The following ZNF33B variants were observed in gnomAD, a reference collection of about 807,000 sequenced individuals.
ZNF33B encodes the protein zinc finger protein 11b (KOX 2).
Under a neutral mutation model 45.8 loss-of-function variants are expected in ZNF33B, and 29 were observed. The observed-to-expected ratio is 0.63, with a 90% confidence interval of 0.47 to 0.86. The LOEUF (loss-of-function observed/expected upper bound fraction) is 0.86. Ranked by LOEUF, ZNF33B falls within the 40% of genes least tolerant of loss-of-function variation. The probability of loss-of-function intolerance (pLI) is 0.00; values close to 1 mark genes in which losing one functional copy is unlikely to be tolerated. For missense variants in ZNF33B, 831 were observed against 909.9 expected, an observed-to-expected ratio of 0.91 and a Z score of 1.12; for synonymous variants, 305 against 307.8, an observed-to-expected ratio of 0.99 and a Z score of 0.10.
At chr10:42,614,316 C>T (rs911881982) in intron 4 of ZNF33B, 4 of 154,510 alleles carry the variant, frequency 2.6e-5, no homozygotes, top group Non-Finnish European at 5.9e-5. Flanking sequence ...CAAGGTCATC[C>T]AAAACAAGGA....
chr10:42,595,846 C>T (rs1341021639), intron 4 of ZNF33B, among the ~76,000 whole-genome samples: 2 of 152,096 alleles, frequency 1.3e-5, no homozygotes, highest in Non-Finnish European at 2.9e-5. Context: ...ATTACAGCTT[C>T]CACAATTGTG....
chr10:42,631,396 A>G (rs138765849), intron 4 of ZNF33B, among the ~76,000 whole-genome samples: 2,577 of 152,048 alleles, frequency 0.017, 79 homozygotes, highest in African/African-American at 0.059. Context: ...GTACAGATGG[A>G]GTTTCACCAT....
At chr10:42,634,516 AG>A (rs1839201240) in intron 2 of ZNF33B, among the ~76,000 whole-genome samples, 1 of 152,244 alleles carries the variant, frequency 6.6e-6, no homozygotes, top group South Asian at 2.1e-4. Context: ...GCAAGGAACT[AG>A]GAAGAGCCAG....
At position 42,591,542 on chromosome 10, in the gene ZNF33B, T is replaced by C. The variant is rs1837124135; in HGVS notation, c.*1071A>G. 1 of 425,392 alleles carries C rather than the reference T, an allele frequency of 2.4e-6. No homozygotes were observed. Among genetic ancestry groups the C allele is most frequent in the Non-Finnish European group, 3.1e-6 (1 of 318,164 alleles). The allele number at this position is 425,392 out of a possible 1,614,324, so 26.4% of individuals were successfully genotyped here. A position where few individuals can be genotyped will look rare whatever the true frequency, so the allele number is the denominator to read the frequency against. On this transcript the variant is annotated 3_prime_UTR_variant, in exon 5 of 5. Coordinates refer to ENST00000359467, the MANE Select transcript of ZNF33B (RefSeq NM_006955.3). ...CGACAAACACCTGGGATGGGCCTGA[T>C]GAAGTAACCACTACTAAATTAGGAT...
Position 42,607,145 on chromosome 10 carries a change from A to G in ZNF33B, c.251-12446T>C, listed in dbSNP as rs1837895657. ...AAATAACAAATGGAGAAGAGGAAATAGAGCTATATATAGGTAATGTTTCTG... is the reference window on the plus strand; with the variant it reads ...AAATAACAAATGGAGAAGAGGAAATGGAGCTATATATAGGTAATGTTTCTG... On this transcript the variant is annotated intron_variant, in intron 4 of 4. Coordinates refer to ENST00000359467, the MANE Select transcript of ZNF33B (RefSeq NM_006955.3). Among the ~76,000 whole-genome samples, 4 of 152,164 alleles carry G rather than the reference A, an allele frequency of 2.6e-5. No individual in the cohort carries two copies. In the South Asian group the frequency reaches 8.3e-4, roughly 32 times the overall value.
At chr10:42,583,815 T>C (rs564352484) in intron 1 of ZNF33B, among the ~76,000 whole-genome samples, 2 of 151,604 alleles carry the variant, frequency 1.3e-5, no homozygotes, top group East Asian at 3.9e-4. Flanking sequence ...GCCTCACAGA[T>C]GAGGGAATGA....
chr10:42,638,101 T>G (rs570223464), intron 1 of ZNF33B, among the ~76,000 whole-genome samples: 4 of 152,348 alleles, frequency 2.6e-5, no homozygotes, highest in African/African-American at 9.6e-5. Context: ...AGAGTCCGTA[T>G]GTCGGGCGGG....
chr10:42,605,991 A>T (rs1471297068), intron 4 of ZNF33B, among the ~76,000 whole-genome samples: 1 of 152,010 alleles, frequency 6.6e-6, no homozygotes, highest in Non-Finnish European at 1.5e-5. Context: ...TCAGCTACTC[A>T]GGAGGCTGAG....
chr10:42,619,116 C>A (rs1394190402), intron 4 of ZNF33B, among the ~76,000 whole-genome samples: 9 of 147,272 alleles, frequency 6.1e-5, no homozygotes, highest in Non-Finnish European at 1.0e-4. Flanking sequence ...ACTGTCCCCA[C>A]ACAGAAACAC....
At chr10:42,575,661 T>G (rs189788591) in intron 1 of ZNF33B, among the ~76,000 whole-genome samples, 1 of 151,320 alleles carries the variant, frequency 6.6e-6, no homozygotes, top group Non-Finnish European at 1.5e-5. Context: ...TTATGTTAAT[T>G]TAATTTCCCT....
intron 4 of ZNF33B, among the ~76,000 whole-genome samples, chr10:42,606,054 T>C (rs1837832451): frequency 6.6e-6 from 1 of 151,106 alleles, no homozygotes; most frequent in South Asian, 2.1e-4. Flanking sequence ...GCTGCGATTC[T>C]ACCACTGCAC....
At chr10:42,631,874 T>C (rs995922652) in intron 4 of ZNF33B, 55 bp downstream of exon 4, 34 of 1,486,848 alleles carry the variant, frequency 2.3e-5, no homozygotes, top group Non-Finnish European at 3.2e-5. Flanking sequence ...CTGAATTAAC[T>C]ACTGGGAAAC....
intron 1 of ZNF33B, among the ~76,000 whole-genome samples, chr10:42,576,348 T>G (rs1348503255): frequency 1.3e-5 from 2 of 152,198 alleles, no homozygotes; most frequent in South Asian, 2.1e-4. Context: ...TTCGAATTGC[T>G]TATTAATATC....
intron 4 of ZNF33B, among the ~76,000 whole-genome samples, chr10:42,624,276 A>T (rs1352475728): frequency 1.3e-5 from 2 of 152,154 alleles, no homozygotes; most frequent in Admixed American, 6.5e-5. Context: ...CCAACATATG[A>T]ATTTTGGGGA....
intron 1 of ZNF33B, among the ~76,000 whole-genome samples, chr10:42,577,867 C>T (rs1836770802): frequency 6.6e-6 from 1 of 152,182 alleles, no homozygotes; most frequent in South Asian, 2.1e-4. Context: ...ACCCTGTTCC[C>T]ACTGAGGAGG....
intron 1 of ZNF33B, among the ~76,000 whole-genome samples, chr10:42,577,401 C>G (rs1167298333): frequency 2.0e-5 from 3 of 152,158 alleles, no homozygotes; most frequent in Non-Finnish European, 4.4e-5. Flanking sequence ...TCTCTCTTTC[C>G]TACCGTCTCC....
chr10:42,593,459 A>G lies in ZNF33B; in HGVS notation c.1491T>C (p.Tyr497=). 11 of 1,614,108 alleles carry G rather than the reference A, an allele frequency of 6.8e-6. No individual in the cohort carries two copies. Among genetic ancestry groups the G allele is most frequent in the Non-Finnish European group, 9.3e-6 (11 of 1,179,982 alleles). ...HQRTHIGDKP[Y]ECNACGKTFY... ...AAGTTTTCCCACATGCATTACATTC[A>G]TAAGGTTTATCTCCTATGTGAGTTC... The change falls in exon 5 of 5, where the codon TAT becomes TAC. Residue 497 remains tyrosine (Y), a synonymous_variant. Coordinates refer to ENST00000359467, the MANE Select transcript of ZNF33B (RefSeq NM_006955.3).
chr10:42,594,138 T>G lies in ZNF33B; in HGVS notation c.812A>C (p.Lys271Thr), dbSNP rs1305001712. Residue 271 changes from lysine to threonine, a missense_variant, in exon 5 of 5, where the codon AAG becomes ACG. Lys to Thr is a moderately conservative substitution (Grantham distance 78, BLOSUM62 -1). Coordinates refer to ENST00000359467, the MANE Select transcript of ZNF33B (RefSeq NM_006955.3). Reference protein sequence around the residue: ...SLLFHQIPPSKDSHYEFSDCE... With the variant: ...SLLFHQIPPSTDSHYEFSDCE... ...ATCACTAAATTCATAGTGACTGTCC[T>G]TTGATGGAGGTATCTGATGGAACAA... 30 of 1,613,942 alleles carry G rather than the reference T, an allele frequency of 1.9e-5. No individual in the cohort carries two copies. The East Asian group carries it at 6.7e-4, about 36-fold the overall frequency.
chr10:42,600,302 G>A (rs1306139461), intron 4 of ZNF33B, among the ~76,000 whole-genome samples: 3 of 152,068 alleles, frequency 2.0e-5, no homozygotes, highest in Non-Finnish European at 4.4e-5. Context: ...TAAAGCCTCT[G>A]ATTATAACTG....
Sources: allele counts gnomAD v4.1 joint callset (sites outside exome capture counted in the v4.1 genomes callset), GRCh38; gene constraint gnomAD v4.1.1; transcripts MANE v1.5; gene names NCBI Gene and HGNC (gene_info 2026-07-23, HGNC 2026-07-21).